The following SEMA5A variants were observed in gnomAD, a reference collection of about 807,000 sequenced individuals.
The protein encoded by SEMA5A is semaphorin-5A.
A neutral mutation model predicts 135.5 loss-of-function variants in SEMA5A; 55 were observed. The ratio of observed to expected loss-of-function variants is 0.41; its 90% CI spans 0.33 to 0.51. SEMA5A has a LOEUF of 0.51. Ranked by LOEUF, SEMA5A falls within the 20% of genes least tolerant of loss-of-function variation. The pLI is 0.37. For synonymous variants in SEMA5A, 580 were observed against 546.5 expected, an observed-to-expected ratio of 1.06 and a Z score of -0.85; for missense variants, 1,290 against 1,419.9, an observed-to-expected ratio of 0.91 and a Z score of 1.47.
intron 11 of SEMA5A, among the ~76,000 whole-genome samples, chr5:9,190,001 T>C (rs1393816958): frequency 6.6e-6 from 1 of 152,206 alleles, no homozygotes. Context: ...AAAGACTTAT[T>C]TTATGAATAG....
At chr5:9,296,734 T>C (rs1751351554) in intron 5 of SEMA5A, among the ~76,000 whole-genome samples, 1 of 151,944 alleles carries the variant, frequency 6.6e-6, no homozygotes, top group South Asian at 2.1e-4. Flanking sequence ...AAGCTTATGG[T>C]TTCTAAATTT....
At position 9,041,602 on chromosome 5, in the gene SEMA5A, A is replaced by AAGGT. The variant is rs1735973370; in HGVS notation, c.*1291_*1294dup. On this transcript the variant is annotated 3_prime_UTR_variant, in exon 23 of 23. Coordinates refer to ENST00000382496, the MANE Select transcript of SEMA5A (RefSeq NM_003966.3). ...TTACTTCCAGCTATCCTGACTTCCC[A>AAGGT]AGGTACATCTTGAAATGCTGTTGCC... 6.6e-6 allele frequency: 1 copy of AAGGT among 152,294 alleles called. No individual in the cohort carries two copies. Among genetic ancestry groups the AAGGT allele is most frequent in the African/African-American group, 2.4e-5 (1 of 41,450 alleles). The allele number at this position is 152,294 out of a possible 1,614,324, so 9.4% of individuals were successfully genotyped here.
chr5:9,203,068 T>C (rs1184197787), intron 8 of SEMA5A, among the ~76,000 whole-genome samples: 1 of 152,242 alleles, frequency 6.6e-6, no homozygotes, highest in Non-Finnish European at 1.5e-5. Context: ...GAATTTTACA[T>C]ACAGCATTTG....
intron 8 of SEMA5A, among the ~76,000 whole-genome samples, chr5:9,203,101 G>A (rs182809258): frequency 9.9e-5 from 15 of 152,200 alleles, no homozygotes; most frequent in South Asian, 4.2e-4. Context: ...CCTAACTTCC[G>A]GTTTGAAACC....
chr5:9,306,564 C>T (rs1290283407), intron 5 of SEMA5A, among the ~76,000 whole-genome samples: 1 of 152,142 alleles, frequency 6.6e-6, no homozygotes, highest in Non-Finnish European at 1.5e-5. Context: ...TTATCCTCTA[C>T]TTTCTTCCTT....
chr5:9,091,271 C>T (rs1394881242), intron 16 of SEMA5A, among the ~76,000 whole-genome samples: 2 of 152,116 alleles, frequency 1.3e-5, no homozygotes, highest in African/African-American at 4.8e-5. Context: ...AGATAGAAGC[C>T]AACTGTCAGA....
intron 15 of SEMA5A, among the ~76,000 whole-genome samples, chr5:9,115,158 T>C (rs1199727932): frequency 6.6e-6 from 1 of 152,198 alleles, no homozygotes; most frequent in African/African-American, 2.4e-5. Context: ...TCCACAATGA[T>C]ACCAGCAGCT....
At position 9,263,555 on chromosome 5, in the gene SEMA5A, C is replaced by T. The variant is rs535219372; in HGVS notation, c.271-25665G>A. On this transcript the variant is annotated intron_variant, in intron 5 of 22. Transcript: ENST00000382496. Reference sequence around the variant, plus strand: ...ATGCTCGTGGAAAAATTGTCTTCCACGAAACTGGTCTCTGGTGTCAAGAAG... The same window carrying T: ...ATGCTCGTGGAAAAATTGTCTTCCATGAAACTGGTCTCTGGTGTCAAGAAG... 1.2e-4 allele frequency among the ~76,000 whole-genome samples: 18 copies of T among 152,282 alleles called. No individual in the cohort carries two copies. The East Asian group carries it at 2.7e-3, about 23-fold the overall frequency.
Position 9,158,653 on chromosome 5 carries a change from C to T in SEMA5A, c.1274-3958G>A, listed in dbSNP as rs925372760. On this transcript the variant is annotated intron_variant, in intron 11 of 22. Transcript: ENST00000382496. ...TCAGTGCAAACTCTCATAGTATTTG[C>T]CATTTGTGAAAATGTCCCCTACTCA... Among the ~76,000 whole-genome samples the T allele has an allele frequency of 2.6e-5, 4 of 152,040 alleles. No individual in the cohort carries two copies. In the South Asian group the frequency reaches 6.2e-4, roughly 24 times the overall value.
intron 11 of SEMA5A, among the ~76,000 whole-genome samples, chr5:9,172,237 A>G (rs1743964798): frequency 6.6e-6 from 1 of 152,064 alleles, no homozygotes; most frequent in Admixed American, 6.5e-5. Context: ...GCCTAGAGAT[A>G]TTAAAAATGC....
At chr5:9,394,931 G>T (rs1756323585) in intron 2 of SEMA5A, among the ~76,000 whole-genome samples, 1 of 152,036 alleles carries the variant, frequency 6.6e-6, no homozygotes, top group Admixed American at 6.5e-5. Flanking sequence ...ATTAAAAATA[G>T]AGAAGAAAAA....
At chr5:9,326,832 G>A (rs1318395342) in intron 4 of SEMA5A, among the ~76,000 whole-genome samples, 1 of 152,096 alleles carries the variant, frequency 6.6e-6, no homozygotes, top group Non-Finnish European at 1.5e-5. Context: ...ATAAAGTGTT[G>A]TAAAATTAGT....
Position 9,358,295 on chromosome 5 carries a change from C to G in SEMA5A, c.125-20483G>C, listed in dbSNP as rs1228132731. 5.3e-5 allele frequency among the ~76,000 whole-genome samples: 8 copies of G among 152,240 alleles called. No individual in the cohort carries two copies. The South Asian group carries it at 1.5e-3, about 28-fold the overall frequency. On this transcript the variant is annotated intron_variant, in intron 3 of 22. Transcript: ENST00000382496. ...CTTCAAACCCATTTTCAGTGCTGTC[C>G]CTTGTGCAATTTTGGTTCTAACTGT...
At chr5:9,495,805 T>A (rs1035050275) in intron 1 of SEMA5A, among the ~76,000 whole-genome samples, 1 of 152,234 alleles carries the variant, frequency 6.6e-6, no homozygotes, top group Non-Finnish European at 1.5e-5. Context: ...TTCTTCCAGT[T>A]TAGCAATTTG....
At chr5:9,509,005 T>C (rs996609336) in intron 1 of SEMA5A, among the ~76,000 whole-genome samples, 2 of 152,026 alleles carry the variant, frequency 1.3e-5, no homozygotes, top group African/African-American at 4.8e-5. Context: ...GATAAATCAA[T>C]GACTTAAAAA....
At chr5:9,113,947 A>G (rs888456149) in intron 15 of SEMA5A, among the ~76,000 whole-genome samples, 2 of 152,240 alleles carry the variant, frequency 1.3e-5, no homozygotes, top group African/African-American at 4.8e-5. Context: ...ACTCCTAGAT[A>G]TACAGTATAC....
chr5:9,219,547 G>C (rs548166386), intron 8 of SEMA5A, among the ~76,000 whole-genome samples: 23 of 152,286 alleles, frequency 1.5e-4, no homozygotes, highest in Admixed American at 2.0e-4. Flanking sequence ...CAATATGACT[G>C]CTGTCCTTAT....
At chr5:9,323,874 C>T (rs1395087265) in intron 4 of SEMA5A, among the ~76,000 whole-genome samples, 2 of 151,658 alleles carry the variant, frequency 1.3e-5, no homozygotes, top group African/African-American at 4.8e-5. Context: ...GTTAGCCAGG[C>T]TGGTCTTGAA....
chr5:9,160,613 T>A (rs111816827), intron 11 of SEMA5A, among the ~76,000 whole-genome samples: 75 of 151,928 alleles, frequency 4.9e-4, no homozygotes, highest in African/African-American at 1.6e-3. Flanking sequence ...TCGGCACAGA[T>A]CACTACATTG....
Sources: gnomAD v4.1 joint callset for allele counts (sites outside exome capture counted in the v4.1 genomes callset) on GRCh38, gnomAD v4.1.1 for gene constraint, MANE v1.5 for transcripts, NCBI Gene and HGNC (gene_info 2026-07-23, HGNC 2026-07-21) for gene names.